KIFC2: variants seen among roughly 807,000 people sequenced by gnomAD.
The protein encoded by KIFC2 is kinesin family member C2.
Under a neutral mutation model 91.5 loss-of-function variants are expected in KIFC2, and 94 were observed. That is an observed-to-expected ratio of 1.03 (90% CI 0.87 to 1.22). KIFC2 has a LOEUF of 1.22. Among genes scored for constraint, KIFC2 ranks in the 50% most tolerant of loss-of-function variants. The pLI, the probability that KIFC2 is intolerant of heterozygous loss-of-function variation, is 0.00. For synonymous variants in KIFC2, 729 were observed against 503.9 expected (o/e 1.45, Z -5.98); for missense variants, 1,357 against 1,103.3 (o/e 1.23, Z -3.26).
chr8:144,466,412 G>T lies in KIFC2; in HGVS notation c.-8G>T, dbSNP rs1212258959. On this transcript the variant is annotated 5_prime_UTR_variant, in exon 1 of 18. Coordinates refer to ENST00000645548, the MANE Select transcript of KIFC2 (RefSeq NM_001369769.2). ...GCGAAGCGGGGCCCTCTGCCGCCCC[G>T]CGCTCCCATGTACGCCTTTTACTCG... The T allele has an allele frequency of 6.3e-6, 8 of 1,274,052 alleles. No homozygotes were observed. The highest frequency in any genetic ancestry group is 1.6e-5 in the African/African-American group (1 of 62,996). 78.9% of individuals were successfully genotyped at this position (1,274,052 alleles called of 1,614,324 possible).
In KIFC2 at chr8:144,469,396, A is replaced by G. The variant is rs1397523873; in HGVS notation, c.1222+17A>G. 1.9e-6 allele frequency: 3 copies of G among 1,611,528 alleles called. No individual in the cohort carries two copies. The African/African-American group carries it at 4.0e-5, about 22-fold the overall frequency. On this transcript the variant is annotated intron_variant, in intron 11 of 17. Coordinates refer to ENST00000645548, the MANE Select transcript of KIFC2 (RefSeq NM_001369769.2). ...AACTCAAGGGTATGACAGGCTTGGG[A>G]GCCTAGCGGGGCAGGGAGGGCGGCT...
chr8:144,468,687 A>G (rs1430452309), intron 9 of KIFC2, 37 bp downstream of exon 9: 2 of 1,612,098 alleles, frequency 1.2e-6, no homozygotes, highest in South Asian at 2.2e-5. Context: ...GAGGCCCTGG[A>G]GGCTGGGCCT....
intron 15 of KIFC2, 38 bp downstream of exon 15, chr8:144,472,522 T>C (rs756706174): frequency 7.4e-6 from 12 of 1,611,538 alleles, no homozygotes; most frequent in Non-Finnish European, 1.0e-5. Flanking sequence ...CGCCCCGTGC[T>C]TCCACTTGGG....
In KIFC2 at chr8:144,467,737, G is replaced by A; in HGVS notation, c.639G>A (p.Leu213=). The change falls in exon 6 of 18, where the codon CTG becomes CTA. Residue 213 remains leucine (L), a synonymous_variant. Coordinates refer to ENST00000645548, the MANE Select transcript of KIFC2 (RefSeq NM_001369769.2). The part of the protein sequence containing the change: ...LGQLEELKQQ[L]EQQEEELGRL... ...AGCTGGAGGAGCTGAAGCAGCAGCT[G>A]GAACAGCAGGAGGAGGAGTTGGGTC... 6.2e-7 allele frequency: 1 copy of A among 1,613,884 alleles called. No homozygotes were observed. The highest frequency in any genetic ancestry group is 8.5e-7 in the Non-Finnish European group (1 of 1,179,990).
chr8:144,471,927 TC>T lies in KIFC2; in HGVS notation c.1381-12del, dbSNP rs1217888118. 6.2e-7 allele frequency: 1 copy of T among 1,611,914 alleles called. No individual in the cohort carries two copies. Among genetic ancestry groups the T allele is most frequent in the East Asian group, 2.2e-5 (1 of 44,846 alleles). The stretch of plus-strand genomic sequence containing the variant: ...CGTGGGGAGGACTCAAAACACATTC[TC>T]CCGCCTCCCGCAGGTCTTCAGAGAG... On this transcript the variant is annotated splice_polypyrimidine_tract_variant and intron_variant, in intron 12 of 17. Coordinates refer to ENST00000645548, the MANE Select transcript of KIFC2 (RefSeq NM_001369769.2).
upstream of KIFC2, chr8:144,466,100 GCGGTGGGGGACTACGCGGAGGGTGGGA>G (rs1158814713): frequency 2.6e-5 from 4 of 154,948 alleles, no homozygotes; most frequent in Admixed American, 2.6e-4. Flanking sequence ...CGAAACCGGA[GCGGTGGGGGACTACGCGGAGGGTGGGA>G]GGGATTCCGA....
At position 144,473,565 on chromosome 8, in the gene KIFC2, C is replaced by T. The variant is rs1398196179; in HGVS notation, c.*176C>T. ...TCCGCAGCCAGTGAAGTGTGTTGTG[C>T]CTGCTGAAGTGATCACCCCCCGCCC... is the stretch of plus-strand genomic sequence containing the variant. On this transcript the variant is annotated 3_prime_UTR_variant, in exon 18 of 18. Coordinates refer to ENST00000645548, the MANE Select transcript of KIFC2 (RefSeq NM_001369769.2). The T allele has an allele frequency of 2.0e-6, 2 of 994,962 alleles. No individual in the cohort carries two copies. The highest frequency in any genetic ancestry group is 6.5e-5 in the Admixed American group (2 of 30,852). 61.6% of individuals were successfully genotyped at this position (994,962 alleles called of 1,614,324 possible). A position where few individuals can be genotyped will look rare whatever the true frequency, so the allele number is the denominator to read the frequency against.
Position 144,473,014 on chromosome 8 carries a change from CGCTGGGCCCAGGCACCACCGCGGT to C in KIFC2, c.2086_2109del (p.Gly696_Leu703del). On this transcript the variant is annotated inframe_deletion, in exon 17 of 18. Transcript: ENST00000645548. The stretch of plus-strand genomic sequence containing the variant: ...CAGCTCACGCGACTGCTGCAGCCGG[CGCTGGGCCCAGGCACCACCGCGGT>C]GCTGCTGCTGCAGGTGGGCGCCGGG... 7.0e-7 allele frequency: 1 copy of C among 1,420,606 alleles called. No individual in the cohort carries two copies. The highest frequency in any genetic ancestry group is 3.2e-5 in the Admixed American group (1 of 31,482). 88.0% of individuals were successfully genotyped at this position (1,420,606 alleles called of 1,614,324 possible).
Position 144,473,261 on chromosome 8 carries a change from C to T in KIFC2, c.2248C>T (p.Leu750Phe), listed in dbSNP as rs145501171. 4.4e-6 allele frequency: 7 copies of T among 1,605,716 alleles called. No individual in the cohort carries two copies. Among genetic ancestry groups the T allele is most frequent in the African/African-American group, 4.0e-5 (3 of 74,716 alleles). Residue 750 changes from leucine (L) to phenylalanine (F), a missense_variant, in exon 18 of 18, where the codon CTC becomes TTC. Physicochemically the swap from Leu to Phe is conservative, Grantham distance 22. Coordinates refer to ENST00000645548, the MANE Select transcript of KIFC2 (RefSeq NM_001369769.2). ...GCGCTCCTCCGGGACGCCTTCTTCCCTCAGCACCGACACTCCGCTCACCGG... is the reference window on the plus strand; with the variant it reads ...GCGCTCCTCCGGGACGCCTTCTTCCTTCAGCACCGACACTCCGCTCACCGG... ...VPRSSGTPSSLSTDTPLTGTP... is the reference protein window; with the variant it reads ...VPRSSGTPSSFSTDTPLTGTP...
rs1289851732 is a variant in KIFC2, at chr8:144,472,427, G to T, written c.1674G>T (p.Gly558=). ...AVRQGPEGQG[G]IQVAGLTHWD... The stretch of plus-strand genomic sequence containing the variant: ...GGCAGGGCCCAGAAGGCCAGGGCGG[G>T]ATCCAGGTGGCTGGCCTCACCCACT... The change falls in exon 15 of 18, where the codon GGG becomes GGT. Residue 558 remains glycine (G), a synonymous_variant. Coordinates refer to ENST00000645548, the MANE Select transcript of KIFC2 (RefSeq NM_001369769.2). 6.2e-7 allele frequency: 1 copy of T among 1,612,792 alleles called. No homozygotes were observed. The highest frequency in any genetic ancestry group is 8.5e-7 in the Non-Finnish European group (1 of 1,179,804).
rs897704014 is a variant in KIFC2, at chr8:144,470,126, C to T, written c.1380+479C>T. ...GCACATGCCCTTTGCTGCTACAGCTCCCATAGCTAAGGAGATGGCAGCTCA... is the reference window on the plus strand; with the variant it reads ...GCACATGCCCTTTGCTGCTACAGCTTCCATAGCTAAGGAGATGGCAGCTCA... On this transcript the variant is annotated intron_variant, in intron 12 of 17. Coordinates refer to ENST00000645548, the MANE Select transcript of KIFC2 (RefSeq NM_001369769.2). Among the ~76,000 whole-genome samples, 124 of 152,250 alleles carry T rather than the reference C, an allele frequency of 8.1e-4. 1 individual carries two copies. The highest frequency in any genetic ancestry group is 1.4e-3 in the Non-Finnish European group (97 of 68,044).
Position 144,473,499 on chromosome 8 carries a change from T to G in KIFC2, c.*110T>G. ...CAGGGCACAAGCTCCCTAGCCTCTT[T>G]GGATCCATTGCCCCTGAGCTCCCAG... is the stretch of plus-strand genomic sequence containing the variant. On this transcript the variant is annotated 3_prime_UTR_variant, in exon 18 of 18. Transcript: ENST00000645548. The G allele has an allele frequency of 7.1e-7, 1 of 1,418,272 alleles. No individual in the cohort carries two copies. The highest frequency in any genetic ancestry group is 9.2e-7 in the Non-Finnish European group (1 of 1,085,422). The allele number at this position is 1,418,272 out of a possible 1,614,324, so 87.9% of individuals were successfully genotyped here.
Position 144,466,342 on chromosome 8 carries a change from T to C in KIFC2, c.-78T>C. On this transcript the variant is annotated 5_prime_UTR_variant, in exon 1 of 18. Coordinates refer to ENST00000645548, the MANE Select transcript of KIFC2 (RefSeq NM_001369769.2). ...CCGTCGCGAGCATGCGCACCGGCACTGCGGCGGGCGGGCGCCGAGTCTGGG... is the reference window on the plus strand; with the variant it reads ...CCGTCGCGAGCATGCGCACCGGCACCGCGGCGGGCGGGCGCCGAGTCTGGG... 2.1e-6 allele frequency: 1 copy of C among 484,160 alleles called. No homozygotes were observed. The highest frequency in any genetic ancestry group is 9.1e-5 in the South Asian group (1 of 11,004). 30.0% of individuals were successfully genotyped at this position (484,160 alleles called of 1,614,324 possible). A position where few individuals can be genotyped will look rare whatever the true frequency, so the allele number is the denominator to read the frequency against.
Position 144,472,976 on chromosome 8 carries a change from C to T in KIFC2, c.2043C>T (p.Pro681=), listed in dbSNP as rs1004289669. 2.7e-5 allele frequency: 39 copies of T among 1,456,690 alleles called. No homozygotes were observed. Among genetic ancestry groups the T allele is most frequent in the Non-Finnish European group, 3.2e-5 (36 of 1,112,352 alleles). 90.2% of individuals were successfully genotyped at this position (1,456,690 alleles called of 1,614,324 possible). A position where few individuals can be genotyped will look rare whatever the true frequency, so the allele number is the denominator to read the frequency against. ...AALRAHRPHV[P]FRDSQLTRLL... ...TGCGGGCCCACCGGCCGCACGTGCCCTTCCGCGACTCGCAGCTCACGCGAC... is the reference window on the plus strand; with the variant it reads ...TGCGGGCCCACCGGCCGCACGTGCCTTTCCGCGACTCGCAGCTCACGCGAC... Residue 681 remains proline (P), a synonymous_variant, in exon 17 of 18, where the codon CCC becomes CCT. Transcript: ENST00000645548.
intron 12 of KIFC2, 133 bp downstream of exon 12, chr8:144,469,780 G>A (rs1824854141): frequency 4.2e-6 from 5 of 1,182,406 alleles, no homozygotes; most frequent in African/African-American, 1.5e-5. Context: ...TAGCCAGGAA[G>A]GAAAGGGAAC....
rs151133054 is a variant in KIFC2, at chr8:144,467,214, C to T, written c.342C>T (p.Val114=). ...TGTCTCCTTCGCAGTCTGGCGAGGT[C>T]CCCTCACTGTTGACAGTGACCAGTC... ...GPADLGQSGE[V]PSLLTVTSQL... is the part of the protein sequence containing the mutation. The change falls in exon 4 of 18, where the codon GTC becomes GTT. Residue 114 remains valine, a synonymous_variant. Coordinates refer to ENST00000645548, the MANE Select transcript of KIFC2 (RefSeq NM_001369769.2). 141 of 1,613,626 alleles carry T rather than the reference C, an allele frequency of 8.7e-5. No individual in the cohort carries two copies. The highest frequency in any genetic ancestry group is 6.5e-4 in the African/African-American group (49 of 75,082).
In KIFC2 at chr8:144,473,786, G is replaced by A; in HGVS notation, c.*397G>A. 2.6e-6 allele frequency: 1 copy of A among 383,998 alleles called. No individual in the cohort carries two copies. The highest frequency in any genetic ancestry group is 4.7e-6 in the Non-Finnish European group (1 of 213,900). The allele number at this position is 383,998 out of a possible 1,614,324, so 23.8% of individuals were successfully genotyped here. On this transcript the variant is annotated 3_prime_UTR_variant, in exon 18 of 18. Coordinates refer to ENST00000645548, the MANE Select transcript of KIFC2 (RefSeq NM_001369769.2). ...TCCCCCCCACCACCAGGACCATGTAGGGTGCAGTCTTTACTCCCTAACCCG... is the reference window on the plus strand; with the variant it reads ...TCCCCCCCACCACCAGGACCATGTAAGGTGCAGTCTTTACTCCCTAACCCG...
chr8:144,471,969 C>T lies in KIFC2; in HGVS notation c.1408C>T (p.Leu470=), dbSNP rs1351998536. ...CTTCAGAGAGCTGGAACCTGCGGTG[C>T]TGTCCTGCCTCCGAGGCTACAGCGT... ...EVFRELEPAV[L]SCLRGYSVCI... The change falls in exon 13 of 18, where the codon CTG becomes TTG. Residue 470 remains leucine (L), a synonymous_variant. Coordinates refer to ENST00000645548, the MANE Select transcript of KIFC2 (RefSeq NM_001369769.2). 6.2e-7 allele frequency: 1 copy of T among 1,613,414 alleles called. No individual in the cohort carries two copies. The highest frequency in any genetic ancestry group is 1.7e-5 in the Admixed American group (1 of 60,032).
At chr8:144,467,402 G>A in intron 4 of KIFC2, 61 bp downstream of exon 4, 1 of 1,546,638 alleles carries the variant, frequency 6.5e-7, no homozygotes, top group Non-Finnish European at 8.7e-7. Context: ...GGTAGAACCT[G>A]GGCGGCCTGG....
Sources: allele counts gnomAD v4.1 joint callset (sites outside exome capture counted in the v4.1 genomes callset), GRCh38; gene constraint gnomAD v4.1.1; transcripts MANE v1.5; gene names NCBI Gene and HGNC (gene_info 2026-07-23, HGNC 2026-07-21).